The following RALGAPA2 variants were observed in gnomAD, a reference collection of about 807,000 sequenced individuals.
The protein encoded by RALGAPA2 is ral GTPase-activating protein subunit alpha-2.
RALGAPA2 carries 139 observed loss-of-function variants against 230.4 expected under a neutral mutation model. The observed-to-expected ratio is 0.60, with a 90% CI of 0.53 to 0.69. RALGAPA2 has a LOEUF of 0.69. Ranked by LOEUF, RALGAPA2 falls within the 30% of genes least tolerant of loss-of-function variation. The probability of loss-of-function intolerance (pLI) is 0.00; values close to 1 mark genes in which losing one functional copy is unlikely to be tolerated. For synonymous variants in RALGAPA2, 847 were observed against 837.8 expected (o/e 1.01, Z -0.19); for missense variants, 2,163 against 2,276.0 (o/e 0.95, Z 1.01).
intron 1 of RALGAPA2, among the ~76,000 whole-genome samples, chr20:20,704,778 T>A (rs369602865): frequency 6.6e-6 from 1 of 152,218 alleles, no homozygotes; most frequent in African/African-American, 2.4e-5. Flanking sequence ...CTTAAAACCC[T>A]TCACTGGAGT....
chr20:20,434,482 C>A (rs2060566358), intron 37 of RALGAPA2, among the ~76,000 whole-genome samples: 1 of 152,122 alleles, frequency 6.6e-6, no homozygotes, highest in African/African-American at 2.4e-5. Flanking sequence ...GCAGGTGAGC[C>A]TCTGATATCC....
intron 10 of RALGAPA2, among the ~76,000 whole-genome samples, chr20:20,626,111 T>C (rs771063157): frequency 6.6e-6 from 1 of 152,236 alleles, no homozygotes; most frequent in Non-Finnish European, 1.5e-5. Context: ...ACTGAGAATG[T>C]GCACTTCTTG....
intron 2 of RALGAPA2, among the ~76,000 whole-genome samples, chr20:20,680,294 G>C (rs1405060282): frequency 6.6e-6 from 1 of 152,246 alleles, no homozygotes; most frequent in African/African-American, 2.4e-5. Context: ...AATATATCTG[G>C]AAGGAGATGC....
Position 20,389,679 on chromosome 20 carries a change from A to G in RALGAPA2, c.*3610T>C, listed in dbSNP as rs1289831870. ...TCACAGTAAATCAGAATTAAAGAGT[A>G]AAAGAGGTTAACTGGAGAGTCGGGT... On this transcript the variant is annotated 3_prime_UTR_variant, in exon 40 of 40. Coordinates refer to ENST00000202677, the MANE Select transcript of RALGAPA2 (RefSeq NM_020343.4). 1.3e-5 allele frequency: 2 copies of G among 152,072 alleles called. No homozygotes were observed. The highest frequency in any genetic ancestry group is 2.9e-5 in the Non-Finnish European group (2 of 68,032). The allele number at this position is 152,072 out of a possible 1,614,324, so 9.4% of individuals were successfully genotyped here.
intron 17 of RALGAPA2, among the ~76,000 whole-genome samples, chr20:20,590,666 G>A (rs915850344): frequency 9.2e-5 from 14 of 152,288 alleles, no homozygotes; most frequent in Admixed American, 3.9e-4. Flanking sequence ...TGGTGAAACC[G>A]TGTAGATTAA....
At chr20:20,482,754 G>C (rs2061809785) in intron 36 of RALGAPA2, among the ~76,000 whole-genome samples, 1 of 152,174 alleles carries the variant, frequency 6.6e-6, no homozygotes, top group African/African-American at 2.4e-5. Context: ...AAGGAAGTGA[G>C]GCAGGCATAG....
intron 37 of RALGAPA2, among the ~76,000 whole-genome samples, chr20:20,422,267 G>A (rs1363517751): frequency 6.6e-6 from 1 of 152,144 alleles, no homozygotes; most frequent in Non-Finnish European, 1.5e-5. Context: ...ATTTTAAAAG[G>A]GTGAACGCTA....
intron 1 of RALGAPA2, among the ~76,000 whole-genome samples, chr20:20,694,047 T>C (rs1259164389): frequency 6.6e-6 from 1 of 151,548 alleles, no homozygotes; most frequent in African/African-American, 2.4e-5. Flanking sequence ...GAGGTTGCAG[T>C]GAGCCATGAT....
In RALGAPA2 at chr20:20,629,353, A is replaced by ACG. The variant is rs1472538746; in HGVS notation, c.1233+9_1233+10insCG. 6.7e-7 allele frequency: 1 copy of ACG among 1,494,696 alleles called. No individual in the cohort carries two copies. Among genetic ancestry groups the ACG allele is most frequent in the Non-Finnish European group, 9.1e-7 (1 of 1,092,994 alleles). The allele number at this position is 1,494,696 out of a possible 1,614,324, so 92.6% of individuals were successfully genotyped here. On this transcript the variant is annotated intron_variant, in intron 10 of 39. Coordinates refer to ENST00000202677, the MANE Select transcript of RALGAPA2 (RefSeq NM_020343.4). ...CACACACACACACACACACACACAC[A>ACG]CACACTAACCTGGTGAAATACTTCA...
In RALGAPA2 at chr20:20,712,264, ACCCATCCCCCT is replaced by A; in HGVS notation, c.106+100_106+110del. 3 of 347,762 alleles carry A rather than the reference ACCCATCCCCCT, an allele frequency of 8.6e-6. No individual in the cohort carries two copies. Among genetic ancestry groups the A allele is most frequent in the Non-Finnish European group, 1.6e-5 (3 of 183,388 alleles). 21.5% of individuals were successfully genotyped at this position (347,762 alleles called of 1,614,324 possible). On this transcript the variant is annotated intron_variant, in intron 1 of 39. Transcript: ENST00000202677. The surrounding 1 kb of genome is among the most constrained non-coding windows in gnomAD (Gnocchi z 5.5). ...ATCCAGGGAAGGGGGTCGGACGCCCACCCATCCCCCTCCCCAGCCTCCCAGCCACCGACCCC... is the reference window on the plus strand; with the variant it reads ...ATCCAGGGAAGGGGGTCGGACGCCCACCCCAGCCTCCCAGCCACCGACCCC...
rs1431169423 is a variant in RALGAPA2, at chr20:20,573,963, C to A, written c.2708-895G>T. Among the ~76,000 whole-genome samples the A allele has an allele frequency of 2.6e-5, 4 of 152,112 alleles. No homozygotes were observed. In the East Asian group the frequency reaches 7.7e-4, roughly 29 times the overall value. On this transcript the variant is annotated intron_variant, in intron 20 of 39. Transcript: ENST00000202677. Reference sequence around the variant, plus strand: ...TAAGTAAATATCTAGGAGTGAGATTCCTGGGTCCGGTCATAAGTGTATGCT... The same window carrying A: ...TAAGTAAATATCTAGGAGTGAGATTACTGGGTCCGGTCATAAGTGTATGCT...
At chr20:20,598,559 C>T (rs1162839583) in intron 16 of RALGAPA2, 1 of 253,964 alleles carries the variant, frequency 3.9e-6, no homozygotes, top group African/African-American at 2.3e-5. Flanking sequence ...TGCAATTTAA[C>T]ACTAGTGTAA....
chr20:20,613,111 CTA>C (rs2066023672), intron 13 of RALGAPA2, among the ~76,000 whole-genome samples: 1 of 152,212 alleles, frequency 6.6e-6, no homozygotes, highest in African/African-American at 2.4e-5. Context: ...GGTTGAAAAA[CTA>C]TGATTTGGAA....
At chr20:20,612,639 GT>G (rs2066009935) in intron 13 of RALGAPA2, among the ~76,000 whole-genome samples, 1 of 152,060 alleles carries the variant, frequency 6.6e-6, no homozygotes, top group Admixed American at 6.5e-5. Context: ...CATGCTACTT[GT>G]CCATGTATTC....
At chr20:20,483,708 G>A (rs1034608817) in intron 36 of RALGAPA2, among the ~76,000 whole-genome samples, 2 of 152,102 alleles carry the variant, frequency 1.3e-5, no homozygotes, top group African/African-American at 4.8e-5. Context: ...ACTTCTTGAG[G>A]GCATTTCATT....
At chr20:20,466,610 C>T (rs2061426937) in intron 37 of RALGAPA2, among the ~76,000 whole-genome samples, 1 of 152,212 alleles carries the variant, frequency 6.6e-6, no homozygotes, top group Non-Finnish European at 1.5e-5. Flanking sequence ...CAGGGCTGCA[C>T]ACCACCTTTG....
chr20:20,454,072 C>T (rs1435523895), intron 37 of RALGAPA2, among the ~76,000 whole-genome samples: 1 of 152,180 alleles, frequency 6.6e-6, no homozygotes, highest in African/African-American at 2.4e-5. Context: ...TGGAGAAAAA[C>T]TTGTTTCTCA....
intron 16 of RALGAPA2, among the ~76,000 whole-genome samples, chr20:20,594,883 G>A (rs560571738): frequency 2.6e-5 from 4 of 151,872 alleles, no homozygotes; most frequent in African/African-American, 7.2e-5. Flanking sequence ...CACACAACTG[G>A]CTAGTTTTTT....
chr20:20,663,891 C>CT lies in RALGAPA2; in HGVS notation c.271-10305dup, dbSNP rs534625276. ...ACAGGCATGAACCACCACGCCTGGCCTGGAGCCATTATTGAGTAAATTAAG... is the reference window on the plus strand; with the variant it reads ...ACAGGCATGAACCACCACGCCTGGCCTTGGAGCCATTATTGAGTAAATTAAG... On this transcript the variant is annotated intron_variant, in intron 3 of 39. Transcript: ENST00000202677. Among the ~76,000 whole-genome samples the CT allele has an allele frequency of 2.9e-3, 436 of 152,332 alleles. 1 individual carries two copies. Among genetic ancestry groups the CT allele is most frequent in the Admixed American group, 6.7e-3 (102 of 15,306 alleles).
Sources: allele counts gnomAD v4.1 joint callset (sites outside exome capture counted in the v4.1 genomes callset), GRCh38; gene constraint gnomAD v4.1.1; non-coding constraint Gnocchi (gnomAD v3.1); transcripts MANE v1.5; gene names NCBI Gene and HGNC (gene_info 2026-07-23, HGNC 2026-07-21).